The following DCBLD1 variants were observed in gnomAD, a reference collection of about 807,000 sequenced individuals.
The protein encoded by DCBLD1 is discoidin, CUB and LCCL domain containing 1.
In DCBLD1, 57 loss-of-function variants were observed where a neutral mutation model predicts 71.5. The ratio of observed to expected loss-of-function variants is 0.80; its 90% CI spans 0.64 to 0.99. DCBLD1 has a LOEUF of 0.99. DCBLD1 is among the 50% of genes least tolerant of loss of function. The pLI is 0.00. For synonymous variants in DCBLD1, 380 were observed against 363.8 expected (o/e 1.04, Z -0.51); for missense variants, 891 against 923.5 (o/e 0.96, Z 0.46).
chr6:117,483,838 C>A (rs1439296392), intron 1 of DCBLD1, among the ~76,000 whole-genome samples: 3 of 152,084 alleles, frequency 2.0e-5, no homozygotes, highest in African/African-American at 7.2e-5. Context: ...ACAGCTCCCC[C>A]AACCACCATG....
intron 11 of DCBLD1, among the ~76,000 whole-genome samples, chr6:117,541,938 A>C (rs1237221531): frequency 2.6e-5 from 4 of 152,186 alleles, no homozygotes; most frequent in Non-Finnish European, 4.4e-5. Context: ...TATTTACTTG[A>C]CCATTCCCCT....
At chr6:117,498,672 C>T (rs1425261540) in intron 1 of DCBLD1, among the ~76,000 whole-genome samples, 1 of 151,780 alleles carries the variant, frequency 6.6e-6, no homozygotes, top group East Asian at 1.9e-4. Flanking sequence ...AACTGTGAGC[C>T]CTCATCATCC....
At chr6:117,542,992 T>G in intron 11 of DCBLD1, 132 bp from the exon 12 acceptor site, 1 of 742,990 alleles carries the variant, frequency 1.3e-6, no homozygotes, top group South Asian at 1.8e-5. Context: ...TATCAGTAAA[T>G]GCCTAACATG....
intron 5 of DCBLD1, among the ~76,000 whole-genome samples, chr6:117,528,871 C>T (rs550796519): frequency 6.6e-6 from 1 of 152,230 alleles, no homozygotes; most frequent in South Asian, 2.1e-4. Context: ...GACAGAGTCT[C>T]GTTCTGTCAC....
intron 1 of DCBLD1, among the ~76,000 whole-genome samples, chr6:117,486,487 C>T (rs537272463): frequency 1.3e-5 from 2 of 152,310 alleles, no homozygotes; most frequent in South Asian, 4.1e-4. Flanking sequence ...CTGTCTCCTC[C>T]ACTGCCTCTC....
At chr6:117,546,058 C>T (rs1250017238) in intron 14 of DCBLD1, among the ~76,000 whole-genome samples, 6 of 152,118 alleles carry the variant, frequency 3.9e-5, no homozygotes, top group Admixed American at 3.3e-4. Context: ...TGGGGAAATG[C>T]TTTTTGTTTC....
In DCBLD1 at chr6:117,549,740, T is replaced by C; in HGVS notation, c.*1301T>C. ...AGTGTGGAGGGGAAATGGTTTACTTTGTAGAGTTTACATGGTTTTATGCGC... is the reference window on the plus strand; with the variant it reads ...AGTGTGGAGGGGAAATGGTTTACTTCGTAGAGTTTACATGGTTTTATGCGC... On this transcript the variant is annotated 3_prime_UTR_variant, in exon 15 of 15. Coordinates refer to ENST00000338728, the MANE Select transcript of DCBLD1 (RefSeq NM_001366458.2). 4 of 985,452 alleles carry C rather than the reference T, an allele frequency of 4.1e-6. No homozygotes were observed. The highest frequency in any genetic ancestry group is 4.8e-6 in the Non-Finnish European group (4 of 829,960). 61.0% of individuals were successfully genotyped at this position (985,452 alleles called of 1,614,324 possible).
At chr6:117,554,179 G>C (rs1032055575), downstream of DCBLD1, among the ~76,000 whole-genome samples, 15 of 152,022 alleles carry the variant, frequency 9.9e-5, no homozygotes, top group Non-Finnish European at 1.9e-4. Context: ...GGTTTTTCTG[G>C]AATTTGATCA....
intron 5 of DCBLD1, among the ~76,000 whole-genome samples, chr6:117,527,430 A>G (rs1778580514): frequency 6.6e-6 from 1 of 152,190 alleles, no homozygotes; most frequent in Non-Finnish European, 1.5e-5. Flanking sequence ...AGCATATCCT[A>G]TAGGTCAGGA....
downstream of DCBLD1, among the ~76,000 whole-genome samples, chr6:117,551,657 G>A (rs1779430290): frequency 6.6e-6 from 1 of 152,180 alleles, no homozygotes; most frequent in Non-Finnish European, 1.5e-5. Flanking sequence ...GGGATTACAG[G>A]CGTGAGCCAC....
At chr6:117,557,951 T>C (rs1371726122) in intron 14 of DCBLD1, among the ~76,000 whole-genome samples, 1 of 152,142 alleles carries the variant, frequency 6.6e-6, no homozygotes, top group East Asian at 1.9e-4. Context: ...GCAGACTAGG[T>C]AGGGGCAGGT....
downstream of DCBLD1, among the ~76,000 whole-genome samples, chr6:117,551,803 A>C (rs772692567): frequency 7.9e-5 from 12 of 152,180 alleles, no homozygotes; most frequent in African/African-American, 2.9e-4. Context: ...TGCTGGAATG[A>C]TGCCTCCCCA....
At position 117,511,000 on chromosome 6, in the gene DCBLD1, A is replaced by G. The variant is rs574227358; in HGVS notation, c.325+7021A>G. Among the ~76,000 whole-genome samples the G allele has an allele frequency of 2.0e-5, 3 of 152,258 alleles. No individual in the cohort carries two copies. The East Asian group carries it at 5.8e-4, about 30-fold the overall frequency. ...TTACACCTAAGGAAACTGAAGCTCAAAGAAGGCCAACTAACATGCTTGTAA... is the reference window on the plus strand; with the variant it reads ...TTACACCTAAGGAAACTGAAGCTCAGAGAAGGCCAACTAACATGCTTGTAA... On this transcript the variant is annotated intron_variant, in intron 2 of 14. Coordinates refer to ENST00000338728, the MANE Select transcript of DCBLD1 (RefSeq NM_001366458.2).
chr6:117,547,622 G>A (rs1779311291), intron 14 of DCBLD1: 1 of 689,140 alleles, frequency 1.5e-6, no homozygotes, highest in Non-Finnish European at 2.7e-6. Flanking sequence ...GCCAGTTTCA[G>A]AGCCACTTCC....
In DCBLD1 at chr6:117,548,075, C is replaced by T. The variant is rs1366680106; in HGVS notation, c.1784C>T (p.Pro595Leu). 5.2e-6 allele frequency: 8 copies of T among 1,548,848 alleles called. No homozygotes were observed. The highest frequency in any genetic ancestry group is 6.1e-6 in the Non-Finnish European group (7 of 1,145,984). Residue 595 changes from proline (P) to leucine (L), a missense_variant, in exon 15 of 15, where the codon CCC becomes CTC. By Grantham distance (98) the Pro-to-Leu change is moderately conservative. Coordinates refer to ENST00000338728, the MANE Select transcript of DCBLD1 (RefSeq NM_001366458.2). ...CACGAGTACGCGCTGCCCCTGGCGCCCCCGGAGCCCGAGTACGCCACGCCC... is the reference window on the plus strand; with the variant it reads ...CACGAGTACGCGCTGCCCCTGGCGCTCCCGGAGCCCGAGTACGCCACGCCC... ...GRHEYALPLA[P>L]PEPEYATPIV...
At chr6:117,557,805 A>T (rs1779515534) in intron 14 of DCBLD1, among the ~76,000 whole-genome samples, 1 of 152,206 alleles carries the variant, frequency 6.6e-6, no homozygotes, top group Non-Finnish European at 1.5e-5. Flanking sequence ...CAGTTCTAGG[A>T]GTACTCCTTT....
chr6:117,531,719 G>A (rs1778726091), intron 5 of DCBLD1, among the ~76,000 whole-genome samples: 1 of 152,138 alleles, frequency 6.6e-6, no homozygotes, highest in African/African-American at 2.4e-5. Flanking sequence ...TTGTGGTTTT[G>A]GTACCTTGAT....
At chr6:117,567,867 A>C (rs1779729373) in intron 14 of DCBLD1, among the ~76,000 whole-genome samples, 2 of 151,992 alleles carry the variant, frequency 1.3e-5, no homozygotes, top group South Asian at 4.2e-4. Context: ...TTGTACTGTC[A>C]TTCTTTAACA....
At chr6:117,495,319 A>G (rs1271787201) in intron 1 of DCBLD1, among the ~76,000 whole-genome samples, 1 of 152,224 alleles carries the variant, frequency 6.6e-6, no homozygotes, top group Non-Finnish European at 1.5e-5. Flanking sequence ...TGGAATTTGG[A>G]CAAAGTCAGC....
Sources: gnomAD v4.1 joint callset for allele counts (sites outside exome capture counted in the v4.1 genomes callset) on GRCh38, gnomAD v4.1.1 for gene constraint, MANE v1.5 for transcripts, NCBI Gene and HGNC (gene_info 2026-07-23, HGNC 2026-07-21) for gene names.